NDUFA10: variants seen among roughly 807,000 people sequenced by gnomAD.
NDUFA10 encodes the protein NADH:ubiquinone oxidoreductase subunit A10.
In NDUFA10, 40 loss-of-function variants were observed where a neutral mutation model predicts 47.8. The ratio of observed to expected loss-of-function variants is 0.84; its 90% confidence interval spans 0.65 to 1.09. The LOEUF is 1.09. NDUFA10 is among the 50% of genes least tolerant of loss of function. The probability of loss-of-function intolerance (pLI) is 0.00; values close to 1 mark genes in which losing one functional copy is unlikely to be tolerated. For synonymous variants in NDUFA10, 183 were observed against 172.2 expected (o/e 1.06, Z -0.49); for missense variants, 413 against 451.1 (o/e 0.92, Z 0.76).
At chr2:239,904,164 C>T (rs1693603332) in intron 4 of NDUFA10, among the ~76,000 whole-genome samples, 1 of 152,102 alleles carries the variant, frequency 6.6e-6, no homozygotes, top group Non-Finnish European at 1.5e-5. Flanking sequence ...GGTGGTACAC[C>T]CCAGAGATGG....
At chr2:239,940,240 A>G (rs1694339474) in intron 4 of NDUFA10, among the ~76,000 whole-genome samples, 1 of 152,246 alleles carries the variant, frequency 6.6e-6, no homozygotes, top group Non-Finnish European at 1.5e-5. Context: ...TTTTATTTAC[A>G]AAAACAGGTG....
intron 8 of NDUFA10, among the ~76,000 whole-genome samples, chr2:239,998,707 A>G (rs970181953): frequency 7.2e-5 from 11 of 152,208 alleles, no homozygotes; most frequent in African/African-American, 2.7e-4. Context: ...CCCAGTAAAA[A>G]TTACGGGCAG....
intron 8 of NDUFA10, among the ~76,000 whole-genome samples, chr2:240,002,150 C>T (rs1408449358): frequency 1.3e-5 from 2 of 151,796 alleles, no homozygotes; most frequent in African/African-American, 4.8e-5. Context: ...CCCAACATGG[C>T]GAAACCCTGT....
At position 239,928,346 on chromosome 2, in the gene NDUFA10, G is replaced by T. The variant is rs1314367103; in HGVS notation, c.295-33032C>A. Reference sequence around the variant, plus strand: ...TTCCATGAATCATGACTAAAGAAAAGAAGGCAAAAGACAAGATGAAATACA... The same window carrying T: ...TTCCATGAATCATGACTAAAGAAAATAAGGCAAAAGACAAGATGAAATACA... On this transcript the variant is annotated intron_variant, in intron 4 of 5. Transcript: ENST00000419408. This position sits in a 1 kb window ranked among gnomAD's most constrained non-coding sequence, Gnocchi z 4.3. 1.3e-5 allele frequency among the ~76,000 whole-genome samples: 2 copies of T among 152,118 alleles called. No individual in the cohort carries two copies. The highest frequency in any genetic ancestry group is 4.8e-5 in the African/African-American group (2 of 41,424).
rs1281321094 is a variant in NDUFA10 at position 240,005,293 on chromosome 2, CA to C, written c.806del (p.Val269GlyfsTer2). 6.2e-7 allele frequency: 1 copy of C among 1,613,116 alleles called. No homozygotes were observed. The highest frequency in any genetic ancestry group is 8.5e-7 in the Non-Finnish European group (1 of 1,179,226). On this transcript the variant is annotated frameshift_variant and splice_region_variant, in exon 8 of 10. Transcript: ENST00000252711. LOFTEE classifies it high-confidence loss of function. ...SAREAQDSKK[V>X]VEDIEYLKFD... ...ACTTCAGGTATTCAATGTCCTCTAC[CA>C]CCTAAGACAGGAAAAATTCCAATTT... is the stretch of plus-strand genomic sequence containing the variant.
chr2:239,914,250 A>T (rs753967670), intron 4 of NDUFA10, among the ~76,000 whole-genome samples: 1 of 151,410 alleles, frequency 6.6e-6, no homozygotes, highest in Non-Finnish European at 1.5e-5. Context: ...ACACACACAG[A>T]ACACACACAT....
In NDUFA10 at chr2:239,934,178, C is replaced by T. The variant is rs140060314; in HGVS notation, c.295-38864G>A. On this transcript the variant is annotated intron_variant, in intron 4 of 5. Coordinates refer to the NDUFA10 transcript ENST00000419408. ...ACAGGTGTGAGCCACCATGCCTGGCCAGATTTAAGTAAACTAATAGGCACC... is the reference window on the plus strand; with the variant it reads ...ACAGGTGTGAGCCACCATGCCTGGCTAGATTTAAGTAAACTAATAGGCACC... Among the ~76,000 whole-genome samples the T allele has an allele frequency of 2.0e-5, 3 of 152,272 alleles. No individual in the cohort carries two copies. In the East Asian group the frequency reaches 5.8e-4, roughly 29 times the overall value.
chr2:239,953,883 G>A (rs557191125), downstream of NDUFA10, among the ~76,000 whole-genome samples: 10 of 152,372 alleles, frequency 6.6e-5, no homozygotes, highest in African/African-American at 1.4e-4. Context: ...CAGGAAGAGC[G>A]AGGTGGAGGA....
rs1000966985 is a variant in NDUFA10, at chr2:239,959,244, C to G, written c.*1874G>C. On this transcript the variant is annotated 3_prime_UTR_variant, in exon 10 of 10. Coordinates refer to ENST00000252711, the MANE Select transcript of NDUFA10 (RefSeq NM_004544.4). ...CACCCGAGTCCACACCATGCCGACA[C>G]GGAGCCCTGCATGGTTGGAGAGCTC... 1.0e-6 allele frequency: 1 copy of G among 985,438 alleles called. No homozygotes were observed. The highest frequency in any genetic ancestry group is 1.1e-4 in the East Asian group (1 of 8,808). The allele number at this position is 985,438 out of a possible 1,614,324, so 61.0% of individuals were successfully genotyped here. A position where few individuals can be genotyped will look rare whatever the true frequency, so the allele number is the denominator to read the frequency against.
Position 239,961,427 on chromosome 2 carries a change from C to T in NDUFA10, c.1000-241G>A, listed in dbSNP as rs560796808. ...TAGGGCTGGGAGCCACAAATGGAAA[C>T]GAACTACTGAGTGTTCTCATTAATG... On this transcript the variant is annotated intron_variant, in intron 9 of 9. Transcript: ENST00000252711. 1.9e-3 allele frequency among the ~76,000 whole-genome samples: 290 copies of T among 152,302 alleles called. 1 individual carries two copies. Among genetic ancestry groups the T allele is most frequent in the African/African-American group, 6.5e-3 (271 of 41,566 alleles).
intron 9 of NDUFA10, chr2:239,973,767 G>T (rs771681830): frequency 1.5e-4 from 55 of 377,748 alleles, no homozygotes; most frequent in Middle Eastern, 1.1e-3. Context: ...TAAAAAATCA[G>T]CAGCCTGTCC....
chr2:239,950,261 C>T (rs528835267), intron 4 of NDUFA10, among the ~76,000 whole-genome samples: 16 of 152,304 alleles, frequency 1.1e-4, no homozygotes, highest in African/African-American at 2.4e-4. Context: ...TACAGCCAGA[C>T]GGCTGCCCAC....
At chr2:239,980,911 G>A (rs952006459) in intron 9 of NDUFA10, among the ~76,000 whole-genome samples, 1 of 152,216 alleles carries the variant, frequency 6.6e-6, no homozygotes, top group African/African-American at 2.4e-5. Flanking sequence ...GACCCCAGCT[G>A]GCACCCAGTG....
chr2:239,941,142 G>A (rs1694353970), intron 4 of NDUFA10, among the ~76,000 whole-genome samples: 1 of 152,234 alleles, frequency 6.6e-6, no homozygotes, highest in South Asian at 2.1e-4. Context: ...CAGAGGCAGT[G>A]TTGAGTGAAA....
rs976102630 is a variant in NDUFA10 at position 240,017,968 on chromosome 2, C to T, written c.547+585G>A. On this transcript the variant is annotated intron_variant, in intron 4 of 9. Coordinates refer to ENST00000252711, the MANE Select transcript of NDUFA10 (RefSeq NM_004544.4). ...GGCCTATTCAACCCACCGCCCAACA[C>T]AGTCCTAGTCACAGACACCCCAACC... 9 of 1,375,612 alleles carry T rather than the reference C, an allele frequency of 6.5e-6. No individual in the cohort carries two copies. The African/African-American group carries it at 1.3e-4, about 20-fold the overall frequency. 85.2% of individuals were successfully genotyped at this position (1,375,612 alleles called of 1,614,324 possible).
At chr2:239,983,059 G>A (rs1695844282) in intron 9 of NDUFA10, among the ~76,000 whole-genome samples, 2 of 152,340 alleles carry the variant, frequency 1.3e-5, no homozygotes, top group South Asian at 4.1e-4. Flanking sequence ...AGACATTTCA[G>A]TATTCGCTTC....
intron 4 of NDUFA10, among the ~76,000 whole-genome samples, chr2:239,915,435 GACAC>G (rs780825934): frequency 2.4e-4 from 28 of 117,946 alleles, no homozygotes; most frequent in Non-Finnish European, 4.2e-4. Context: ...CAAATATACA[GACAC>G]ACACACAGAG....
chr2:239,979,640 C>T (rs1436579521), intron 9 of NDUFA10, among the ~76,000 whole-genome samples: 2 of 152,144 alleles, frequency 1.3e-5, no homozygotes, highest in Admixed American at 1.3e-4. Context: ...AGCACCAGCA[C>T]TCTCACCTGC....
intron 4 of NDUFA10, among the ~76,000 whole-genome samples, chr2:239,898,766 C>T (rs1693449475): frequency 6.6e-6 from 1 of 152,230 alleles, no homozygotes; most frequent in South Asian, 2.1e-4. Context: ...CACGAGTGCA[C>T]AACGAAGTCC....
Sources: allele counts gnomAD v4.1 joint callset (sites outside exome capture counted in the v4.1 genomes callset), GRCh38; gene constraint gnomAD v4.1.1; non-coding constraint Gnocchi (gnomAD v3.1); transcripts MANE v1.5; gene names NCBI Gene and HGNC (gene_info 2026-07-23, HGNC 2026-07-21).